RGSL1: variants seen among roughly 807,000 people sequenced by gnomAD.
The protein encoded by RGSL1 is regulator of G protein signaling like 1.
In RGSL1, 97 loss-of-function variants were observed where a neutral mutation model predicts 124.7. That is an observed-to-expected ratio of 0.78 (90% CI 0.66 to 0.92). RGSL1 has a LOEUF of 0.92. RGSL1 is among the 40% of genes least tolerant of loss of function. RGSL1 has a pLI of 0.00. For missense variants in RGSL1, 1,233 were observed against 1,288.4 expected, an observed-to-expected ratio of 0.96 and a Z score of 0.66; for synonymous variants, 424 against 438.1, an observed-to-expected ratio of 0.97 and a Z score of 0.40.
chr1:182,453,883 C>T (rs1228682034), intron 1 of RGSL1, 75 bp from the exon 2 acceptor site: 6 of 792,116 alleles, frequency 7.6e-6, no homozygotes, highest in African/African-American at 5.2e-5. Context: ...ATGATCCATT[C>T]GATTGCTTCA....
At position 182,489,074 on chromosome 1, in the gene RGSL1, T is replaced by C; in HGVS notation, c.1589T>C (p.Leu530Pro). ...CTTTATAAGAGGATTCAGCAGTCTC[T>C]AGAGTTAAGCCAGGCTTTGGCTGAC... ...ILLYKRIQQS[L>P]ELSQALADMK... The change falls in exon 8 of 22, where the codon CTA becomes CCA. Residue 530 changes from leucine (L) to proline (P), a missense_variant. Coordinates refer to ENST00000294854, the MANE Select transcript of RGSL1 (RefSeq NM_001137669.2). The C allele has an allele frequency of 1.9e-6, 3 of 1,551,638 alleles. No individual in the cohort carries two copies. The highest frequency in any genetic ancestry group is 2.6e-6 in the Non-Finnish European group (3 of 1,146,982).
intron 14 of RGSL1, among the ~76,000 whole-genome samples, chr1:182,534,922 C>A (rs1659436501): frequency 6.6e-6 from 1 of 152,132 alleles, no homozygotes; most frequent in Non-Finnish European, 1.5e-5. Flanking sequence ...CCTGTTTCAT[C>A]ATTCTTTGAC....
chr1:182,469,239 A>C (rs888794590), intron 4 of RGSL1, among the ~76,000 whole-genome samples: 2 of 152,206 alleles, frequency 1.3e-5, no homozygotes, highest in African/African-American at 4.8e-5. Context: ...AAAGAATGGA[A>C]GAAAATACTT....
intron 8 of RGSL1, among the ~76,000 whole-genome samples, chr1:182,490,694 A>G (rs1160806205): frequency 6.6e-6 from 1 of 152,190 alleles, no homozygotes; most frequent in African/African-American, 2.4e-5. Context: ...TATGGGACAC[A>G]AGGGATAGCC....
chr1:182,447,938 GC>G, upstream of RGSL1: 1 of 149,980 alleles, frequency 6.7e-6, no homozygotes, highest in Non-Finnish European at 1.5e-5. Flanking sequence ...CCAATTTTCA[GC>G]CCTGAGTCAG....
intron 8 of RGSL1, 72 bp from the exon 9 acceptor site, chr1:182,492,950 C>A: frequency 1.9e-6 from 2 of 1,068,454 alleles, no homozygotes; most frequent in Non-Finnish European, 2.8e-6. Flanking sequence ...ATACCTTCAA[C>A]AAAAGTATAT....
chr1:182,463,572 C>G (rs1274475745), intron 4 of RGSL1, among the ~76,000 whole-genome samples: 1 of 152,146 alleles, frequency 6.6e-6, no homozygotes, highest in Non-Finnish European at 1.5e-5. Context: ...TGTCTTCCCT[C>G]CCCTTCCAAA....
intron 18 of RGSL1, among the ~76,000 whole-genome samples, 163 bp from the exon 19 acceptor site, chr1:182,553,292 C>T (rs1280699022): frequency 3.3e-5 from 5 of 152,210 alleles, no homozygotes; most frequent in African/African-American, 9.6e-5. Flanking sequence ...AACATTCAAA[C>T]CATAGCATCT....
intron 4 of RGSL1, among the ~76,000 whole-genome samples, chr1:182,463,209 G>T (rs1035434351): frequency 6.6e-6 from 1 of 151,044 alleles, no homozygotes; most frequent in Non-Finnish European, 1.5e-5. Flanking sequence ...CAGGAGAATG[G>T]CATGAACCTG....
intron 1 of RGSL1, among the ~76,000 whole-genome samples, chr1:182,452,152 A>G (rs1651896150): frequency 6.6e-6 from 1 of 152,138 alleles, no homozygotes; most frequent in Non-Finnish European, 1.5e-5. Context: ...GGAGGCCTGG[A>G]CACATTGAAC....
At chr1:182,457,382 C>T (rs970825453) in intron 2 of RGSL1, among the ~76,000 whole-genome samples, 3 of 152,160 alleles carry the variant, frequency 2.0e-5, no homozygotes, top group Admixed American at 2.0e-4. Context: ...GCTTAACACC[C>T]CACTCAGTGT....
At position 182,472,503 on chromosome 1, in the gene RGSL1, G is replaced by T. The variant is rs1052033869; in HGVS notation, c.409G>T (p.Ala137Ser). ...YYLSLLLMLR[A>S]THLQEGSRVV... ...CCTGTCCCTCCTCCTCATGCTGAGG[G>T]CCACTCATCTGCAGGAGGGCTCCAG... Residue 137 changes from alanine to serine, a missense_variant, in exon 5 of 22, where the codon GCC becomes TCC. Transcript: ENST00000294854. 9.7e-6 allele frequency: 15 copies of T among 1,550,332 alleles called. 1 individual carries two copies. Among genetic ancestry groups the T allele is most frequent in the East Asian group, 4.9e-5 (2 of 40,906 alleles).
intron 6 of RGSL1, 123 bp downstream of exon 6, chr1:182,474,665 A>C: frequency 1.5e-6 from 2 of 1,343,362 alleles, no homozygotes; most frequent in Non-Finnish European, 2.0e-6. Flanking sequence ...ACCTTTACAT[A>C]TTGAAGAGTT....
intron 15 of RGSL1, among the ~76,000 whole-genome samples, chr1:182,542,813 G>T (rs992171726): frequency 6.6e-6 from 1 of 151,786 alleles, no homozygotes; most frequent in African/African-American, 2.4e-5. Flanking sequence ...GCTTTTTGTA[G>T]CTATTGTCAG....
In RGSL1 at chr1:182,458,380, T is replaced by C. The variant is rs972976698; in HGVS notation, c.158T>C (p.Ile53Thr). 9.7e-6 allele frequency: 15 copies of C among 1,552,008 alleles called. No homozygotes were observed. Among genetic ancestry groups the C allele is most frequent in the Non-Finnish European group, 1.3e-5 (15 of 1,146,972 alleles). ...TCACAGTGGAGCTTGTGGCCAGAAA[T>C]ACCTTGTAACTTGGTGAGTAAAATT... ...ENSQWSLWPE[I>T]PCNLIAKYKG... Residue 53 changes from isoleucine to threonine, a missense_variant, in exon 3 of 22, where the codon ATA becomes ACA. Physicochemically the swap from Ile to Thr is moderately conservative, Grantham distance 89 (BLOSUM62 -1). Transcript: ENST00000294854.
At chr1:182,544,973 T>C (rs1475388977) in intron 15 of RGSL1, among the ~76,000 whole-genome samples, 2 of 152,072 alleles carry the variant, frequency 1.3e-5, no homozygotes, top group Admixed American at 6.5e-5. Context: ...AATTAGAGAA[T>C]TGAGTCTATT....
intron 4 of RGSL1, among the ~76,000 whole-genome samples, chr1:182,462,716 A>C (rs1176263377): frequency 6.6e-6 from 1 of 152,194 alleles, no homozygotes; most frequent in Non-Finnish European, 1.5e-5. Flanking sequence ...AAAGAGGTGG[A>C]GTTAGAGCTG....
At chr1:182,456,676 G>A (rs1325923455) in intron 2 of RGSL1, among the ~76,000 whole-genome samples, 1 of 152,214 alleles carries the variant, frequency 6.6e-6, no homozygotes, top group Non-Finnish European at 1.5e-5. Context: ...TCTAGAAACA[G>A]AGAGTGATTG....
At chr1:182,519,284 A>T (rs1194886563) in intron 9 of RGSL1, among the ~76,000 whole-genome samples, 1 of 151,930 alleles carries the variant, frequency 6.6e-6, no homozygotes, top group Non-Finnish European at 1.5e-5. Context: ...GCCCTTTGAT[A>T]TTTCCTTTAG....
Sources: gnomAD v4.1 joint callset for allele counts (sites outside exome capture counted in the v4.1 genomes callset) on GRCh38, gnomAD v4.1.1 for gene constraint, MANE v1.5 for transcripts, NCBI Gene and HGNC (gene_info 2026-07-23, HGNC 2026-07-21) for gene names.